The following CTNNA2 variants were observed in gnomAD, a reference collection of about 807,000 sequenced individuals.
CTNNA2 encodes the protein catenin alpha-2.
CTNNA2 carries 42 observed loss-of-function variants against 101.0 expected under a neutral mutation model. The observed-to-expected ratio is 0.42, with a 90% CI of 0.32 to 0.54. The LOEUF is 0.54. CTNNA2 is among the 20% of genes least tolerant of loss of function. The probability of loss-of-function intolerance (pLI) is 0.14; values close to 1 mark genes in which losing one functional copy is unlikely to be tolerated. For missense variants in CTNNA2, 871 were observed against 1,223.1 expected, an observed-to-expected ratio of 0.71 and a Z score of 4.29; for synonymous variants, 450 against 456.4, an observed-to-expected ratio of 0.99 and a Z score of 0.18.
chr2:80,519,435 A>C (rs1320906766), intron 9 of CTNNA2, among the ~76,000 whole-genome samples: 1 of 152,196 alleles, frequency 6.6e-6, no homozygotes, highest in Non-Finnish European at 1.5e-5. Flanking sequence ...TCTTTGAAAA[A>C]AAATCACACT....
chr2:79,727,813 TG>T (rs1451842452), intron 2 of CTNNA2, among the ~76,000 whole-genome samples: 13 of 146,794 alleles, frequency 8.9e-5, no homozygotes, highest in African/African-American at 3.3e-4. Flanking sequence ...CACATATGAG[TG>T]AGAATATGCA....
chr2:79,713,232 A>G (rs1392569671), intron 2 of CTNNA2, among the ~76,000 whole-genome samples: 3 of 152,170 alleles, frequency 2.0e-5, no homozygotes, highest in Non-Finnish European at 4.4e-5. Context: ...TGAGATAGCA[A>G]TTCTAATACA....
At chr2:79,470,497 T>G (rs888544622) in intron 4 of CTNNA2, among the ~76,000 whole-genome samples, 7 of 152,236 alleles carry the variant, frequency 4.6e-5, no homozygotes, top group African/African-American at 1.4e-4. Flanking sequence ...TGCAGAGTAC[T>G]TTCTTTAGCT....
chr2:80,087,528 T>C (rs1573035666), intron 7 of CTNNA2, among the ~76,000 whole-genome samples: 3 of 152,136 alleles, frequency 2.0e-5, no homozygotes, highest in African/African-American at 7.2e-5. Context: ...TTTTTATGTT[T>C]CCCTCTATTT....
chr2:79,725,990 G>C (rs2104891243), intron 2 of CTNNA2, among the ~76,000 whole-genome samples: 1 of 152,274 alleles, frequency 6.6e-6, no homozygotes, highest in South Asian at 2.1e-4. Flanking sequence ...TCCAAATACA[G>C]GGTGTGAGAT....
At chr2:80,403,079 A>T (rs1017331321) in intron 8 of CTNNA2, among the ~76,000 whole-genome samples, 4 of 152,210 alleles carry the variant, frequency 2.6e-5, no homozygotes, top group Non-Finnish European at 5.9e-5. Context: ...GAAATCCATG[A>T]TGAACAAAAC....
At chr2:79,556,172 G>T (rs1307023762) in intron 1 of CTNNA2, among the ~76,000 whole-genome samples, 1 of 151,832 alleles carries the variant, frequency 6.6e-6, no homozygotes, top group Non-Finnish European at 1.5e-5. Flanking sequence ...TAGTAATAAT[G>T]GCTTGTTAAT....
intron 1 of CTNNA2, among the ~76,000 whole-genome samples, chr2:79,541,163 G>A (rs1673382981): frequency 1.3e-5 from 2 of 151,102 alleles, no homozygotes; most frequent in African/African-American, 2.4e-5. Context: ...ATATTCATGT[G>A]TATAAGTATA....
intron 2 of CTNNA2, among the ~76,000 whole-genome samples, chr2:79,662,991 CT>C (rs1398216291): frequency 6.6e-6 from 1 of 152,150 alleles, no homozygotes; most frequent in African/African-American, 2.4e-5. Flanking sequence ...CTCCTCCTTT[CT>C]TTCTTCTGCA....
chr2:80,387,506 C>T (rs920998324), intron 7 of CTNNA2, among the ~76,000 whole-genome samples: 7 of 151,684 alleles, frequency 4.6e-5, no homozygotes, highest in African/African-American at 1.7e-4. Flanking sequence ...AAAGGAGGGG[C>T]CTTTATTTTG....
intron 3 of CTNNA2, among the ~76,000 whole-genome samples, chr2:79,339,348 T>C (rs1677078418): frequency 6.6e-6 from 1 of 152,070 alleles, no homozygotes; most frequent in Non-Finnish European, 1.5e-5. Context: ...AGAGTCCCAT[T>C]AGGTGCCCTA....
intron 9 of CTNNA2, among the ~76,000 whole-genome samples, chr2:80,433,983 T>C (rs1340911183): frequency 6.6e-6 from 1 of 152,208 alleles, no homozygotes; most frequent in Non-Finnish European, 1.5e-5. Context: ...CCCAATTGCT[T>C]AACTAGAATT....
chr2:79,363,923 A>G (rs1174764301), intron 3 of CTNNA2, among the ~76,000 whole-genome samples: 43 of 152,232 alleles, frequency 2.8e-4, no homozygotes, highest in Non-Finnish European at 1.5e-5. Context: ...AATGTTACTG[A>G]GAAAGTCATT....
intron 4 of CTNNA2, among the ~76,000 whole-genome samples, chr2:79,869,001 A>G (rs1238646646): frequency 1.3e-5 from 2 of 152,228 alleles, no homozygotes; most frequent in Non-Finnish European, 2.9e-5. Context: ...AGGTTTACCA[A>G]TTGTGGAAAT....
chr2:79,858,311 C>A, intron 4 of CTNNA2, 132 bp downstream of exon 4: 1 of 505,040 alleles, frequency 2.0e-6, no homozygotes, highest in Non-Finnish European at 3.3e-6. Context: ...CATGTGGTGC[C>A]CACGTCCAAT....
intron 7 of CTNNA2, among the ~76,000 whole-genome samples, chr2:80,192,098 T>C (rs1278492596): frequency 1.3e-5 from 2 of 152,224 alleles, no homozygotes; most frequent in Non-Finnish European, 2.9e-5. Context: ...GAGTTTGAGG[T>C]CTGCAGTGGT....
intron 7 of CTNNA2, among the ~76,000 whole-genome samples, chr2:79,996,447 G>A (rs1270240305): frequency 2.0e-5 from 3 of 152,124 alleles, no homozygotes; most frequent in Non-Finnish European, 4.4e-5. Flanking sequence ...CTGGTGTTCT[G>A]ATTATGAAGC....
At chr2:80,289,852 C>T (rs536979320) in intron 7 of CTNNA2, among the ~76,000 whole-genome samples, 3 of 152,272 alleles carry the variant, frequency 2.0e-5, no homozygotes, top group African/African-American at 7.2e-5. Flanking sequence ...TACTTGCCTC[C>T]CTGCTCCCTG....
intron 7 of CTNNA2, among the ~76,000 whole-genome samples, chr2:80,201,730 C>T (rs1707226748): frequency 6.6e-6 from 1 of 152,124 alleles, no homozygotes; most frequent in Non-Finnish European, 1.5e-5. Flanking sequence ...CCAGGTTTCC[C>T]AGTGTTTCAA....
Sources: allele counts gnomAD v4.1 joint callset (sites outside exome capture counted in the v4.1 genomes callset), GRCh38; gene constraint gnomAD v4.1.1; transcripts MANE v1.5; gene names NCBI Gene and HGNC (gene_info 2026-07-23, HGNC 2026-07-21).